The following NELL2 variants were observed in gnomAD, a reference collection of about 807,000 sequenced individuals.
NELL2 encodes the protein neural EGFL like 2.
In NELL2, 41 loss-of-function variants were observed where a neutral mutation model predicts 109.6. That is an observed-to-expected ratio of 0.37 (90% CI 0.29 to 0.49). NELL2 has a LOEUF of 0.49. Ranked by LOEUF, NELL2 falls within the 20% of genes least tolerant of loss-of-function variation. The probability of loss-of-function intolerance (pLI) is 0.98; values close to 1 mark genes in which losing one functional copy is unlikely to be tolerated. For missense variants in NELL2, 900 were observed against 1,008.3 expected (o/e 0.89, Z 1.45); for synonymous variants, 355 against 344.7 (o/e 1.03, Z -0.33).
chr12:44,719,789 T>G (rs1938673033), intron 9 of NELL2, among the ~76,000 whole-genome samples: 1 of 152,132 alleles, frequency 6.6e-6, no homozygotes, highest in African/African-American at 2.4e-5. Flanking sequence ...TAATAGCAGT[T>G]ACTTCATTCT....
At chr12:44,658,876 CCAAAAAA>C (rs1200650747) in intron 13 of NELL2, among the ~76,000 whole-genome samples, 20 of 97,616 alleles carry the variant, frequency 2.0e-4, no homozygotes, top group Admixed American at 7.3e-4. Context: ...GACTCTGTCT[CCAAAAAA>C]AAAAAAAAAA....
rs976463737 is a variant in NELL2, at chr12:44,714,805, T to C, written c.995-64A>G. ...GAAAAATAGCTTAGAAGGGATCAGATCATCTTGTAACAGCATTCCACATGT... is the reference window on the plus strand; with the variant it reads ...GAAAAATAGCTTAGAAGGGATCAGACCATCTTGTAACAGCATTCCACATGT... On this transcript the variant is annotated intron_variant, in intron 9 of 19. Coordinates refer to ENST00000429094, the MANE Select transcript of NELL2 (RefSeq NM_001145108.2). 18 of 1,055,854 alleles carry C rather than the reference T, an allele frequency of 1.7e-5. No homozygotes were observed. In the African/African-American group the frequency reaches 2.1e-4, roughly 13 times the overall value. The allele number at this position is 1,055,854 out of a possible 1,614,324, so 65.4% of individuals were successfully genotyped here.
intron 15 of NELL2, among the ~76,000 whole-genome samples, chr12:44,603,696 C>A (rs557532281): frequency 1.3e-5 from 2 of 152,058 alleles, no homozygotes; most frequent in Non-Finnish European, 2.9e-5. Context: ...TAATTTCGCT[C>A]AGTAAAAATC....
In NELL2 at chr12:44,888,132, G is replaced by A. The variant is rs77046732; in HGVS notation, c.39-12232C>T. Among the ~76,000 whole-genome samples the A allele has an allele frequency of 4.9e-3, 738 of 152,086 alleles. 6 individuals are homozygous for A. Among genetic ancestry groups the A allele is most frequent in the Middle Eastern group, 0.034 (10 of 294 alleles). Reference sequence around the variant, plus strand: ...GTATGTTCTTGGCACCTTTGTTGAAGATGAATTGGCTCAAAATGTGTGAAT... The same window carrying A: ...GTATGTTCTTGGCACCTTTGTTGAAAATGAATTGGCTCAAAATGTGTGAAT... On this transcript the variant is annotated intron_variant, in intron 1 of 20. Transcript: ENST00000333837.
At chr12:44,762,132 T>C (rs1941152838) in intron 9 of NELL2, among the ~76,000 whole-genome samples, 1 of 152,174 alleles carries the variant, frequency 6.6e-6, no homozygotes, top group South Asian at 2.1e-4. Context: ...TTACCTCCAC[T>C]TTAGTCCTTT....
chr12:44,885,602 C>T (rs1353844560), intron 1 of NELL2, among the ~76,000 whole-genome samples: 1 of 151,658 alleles, frequency 6.6e-6, no homozygotes, highest in Non-Finnish European at 1.5e-5. Context: ...ACACAAAAAA[C>T]TATAGAACTT....
chr12:44,900,219 C>G (rs371898152), intron 1 of NELL2, among the ~76,000 whole-genome samples: 7 of 152,132 alleles, frequency 4.6e-5, no homozygotes, highest in Admixed American at 3.9e-4. Flanking sequence ...AGAAAATTCA[C>G]AAGCATATTC....
chr12:44,714,802 A>C (rs1938399748), intron 9 of NELL2, 61 bp from the exon 10 acceptor site: 1 of 1,085,314 alleles, frequency 9.2e-7, no homozygotes, highest in African/African-American at 1.6e-5. Flanking sequence ...AGAAGGGATC[A>C]GATCATCTTG....
intron 9 of NELL2, among the ~76,000 whole-genome samples, chr12:44,752,364 G>A (rs1940690531): frequency 6.6e-6 from 1 of 152,054 alleles, no homozygotes; most frequent in South Asian, 2.1e-4. Flanking sequence ...ATTTAAAAAG[G>A]CTTATTTTTT....
chr12:44,570,792 T>C (rs773739852), intron 15 of NELL2, among the ~76,000 whole-genome samples: 11 of 152,176 alleles, frequency 7.2e-5, no homozygotes, highest in Non-Finnish European at 1.3e-4. Context: ...CATCTCAGAC[T>C]TGGGCAAAAT....
chr12:44,880,114 T>TGA (rs1945393947), upstream of NELL2, among the ~76,000 whole-genome samples: 1 of 137,058 alleles, frequency 7.3e-6, no homozygotes, highest in Non-Finnish European at 1.6e-5. Flanking sequence ...TCAAGAAACA[T>TGA]ACACACACAC....
intron 9 of NELL2, among the ~76,000 whole-genome samples, chr12:44,735,215 AT>A: frequency 6.6e-6 from 1 of 152,172 alleles, no homozygotes; most frequent in Middle Eastern, 3.4e-3. Flanking sequence ...CTAATTTGAC[AT>A]TTTTGTAGTC....
At chr12:44,647,041 G>A (rs1947122324) in intron 13 of NELL2, among the ~76,000 whole-genome samples, 1 of 152,182 alleles carries the variant, frequency 6.6e-6, no homozygotes, top group South Asian at 2.1e-4. Flanking sequence ...CAGACCCTGG[G>A]GCGTTCTGCT....
intron 3 of NELL2, among the ~76,000 whole-genome samples, chr12:44,790,924 T>C (rs1207468961): frequency 1.3e-5 from 2 of 150,144 alleles, no homozygotes; most frequent in Admixed American, 6.7e-5. Flanking sequence ...AAAAGGGACA[T>C]TATATAATGG....
At chr12:44,753,420 T>C (rs923998311) in intron 9 of NELL2, among the ~76,000 whole-genome samples, 1 of 152,226 alleles carries the variant, frequency 6.6e-6, no homozygotes, top group African/African-American at 2.4e-5. Flanking sequence ...AAATTCTAAC[T>C]GGTTTTTCTT....
At chr12:44,558,416 A>G (rs1418758200) in intron 15 of NELL2, among the ~76,000 whole-genome samples, 1 of 152,244 alleles carries the variant, frequency 6.6e-6, no homozygotes, top group African/African-American at 2.4e-5. Context: ...CAGAGAGATA[A>G]ACGTGGAAGG....
At chr12:44,844,375 C>T (rs1785728129) in intron 2 of NELL2, among the ~76,000 whole-genome samples, 1 of 152,188 alleles carries the variant, frequency 6.6e-6, no homozygotes, top group African/African-American at 2.4e-5. Flanking sequence ...GGACAAACTT[C>T]AGATGTATAA....
chr12:44,659,870 C>G (rs1431832760), intron 13 of NELL2, among the ~76,000 whole-genome samples: 2 of 151,844 alleles, frequency 1.3e-5, no homozygotes, highest in Non-Finnish European at 2.9e-5. Flanking sequence ...TGGACCAAAG[C>G]CAGCATCAGA....
At chr12:44,823,360 T>A (rs1467944646) in intron 2 of NELL2, among the ~76,000 whole-genome samples, 1 of 152,184 alleles carries the variant, frequency 6.6e-6, no homozygotes, top group Non-Finnish European at 1.5e-5. Flanking sequence ...TCTGCATAAA[T>A]GAAACTTTGT....
Sources: allele counts gnomAD v4.1 joint callset (sites outside exome capture counted in the v4.1 genomes callset), GRCh38; gene constraint gnomAD v4.1.1; transcripts MANE v1.5; gene names NCBI Gene and HGNC (gene_info 2026-07-23, HGNC 2026-07-21).